FHOD3: variants seen among roughly 807,000 people sequenced by gnomAD.
The protein encoded by FHOD3 is formin homology 2 domain containing 3.
A neutral mutation model predicts 173.0 loss-of-function variants in FHOD3; 90 were observed. The ratio of observed to expected loss-of-function variants is 0.52; its 90% CI spans 0.44 to 0.62. The LOEUF is 0.62. Among genes scored for constraint, FHOD3 ranks in the 20% least tolerant of loss-of-function variants. FHOD3 has a pLI of 0.00. For missense variants in FHOD3, 1,945 were observed against 2,034.7 expected, an observed-to-expected ratio of 0.96 and a Z score of 0.85; for synonymous variants, 828 against 823.0, an observed-to-expected ratio of 1.01 and a Z score of -0.10.
At chr18:36,464,008 G>T (rs2052752977) in intron 3 of FHOD3, among the ~76,000 whole-genome samples, 1 of 152,056 alleles carries the variant, frequency 6.6e-6, no homozygotes, top group African/African-American at 2.4e-5. Flanking sequence ...TGCTAGAATT[G>T]TTCTCAATAA....
At chr18:36,707,491 C>G (rs963918453) in intron 17 of FHOD3, among the ~76,000 whole-genome samples, 3 of 152,226 alleles carry the variant, frequency 2.0e-5, no homozygotes, top group Admixed American at 6.5e-5. Flanking sequence ...GACATTTCAT[C>G]TGCTCCACTG....
In FHOD3 at chr18:36,709,363, G is replaced by A; in HGVS notation, c.2505G>A (p.Glu835=). The change falls in exon 18 of 29, where the codon GAG becomes GAA. Residue 835 remains glutamate, a synonymous_variant. Coordinates refer to ENST00000590592, the MANE Select transcript of FHOD3 (RefSeq NM_001281740.3). ...SSSTLEREEK[E]DKLSRDRTTG... is the part of the protein sequence containing the mutation. Reference sequence around the variant, plus strand: ...GCACGTTGGAGAGGGAGGAGAAGGAGGACAAGCTCTCCAGGGACAGGACAA... The same window carrying A: ...GCACGTTGGAGAGGGAGGAGAAGGAAGACAAGCTCTCCAGGGACAGGACAA... 6.2e-7 allele frequency: 1 copy of A among 1,614,090 alleles called. No individual in the cohort carries two copies.
At chr18:36,548,254 C>CT (rs1733183114) in intron 5 of FHOD3, among the ~76,000 whole-genome samples, 1 of 152,156 alleles carries the variant, frequency 6.6e-6, no homozygotes, top group Admixed American at 6.5e-5. Flanking sequence ...TAATCAACAA[C>CT]TTGCCAGGCA....
intron 5 of FHOD3, among the ~76,000 whole-genome samples, chr18:36,551,530 T>C (rs1396366030): frequency 1.3e-5 from 2 of 152,206 alleles, no homozygotes; most frequent in East Asian, 1.9e-4. Context: ...GTTTTGGCTT[T>C]TGTTGCCGTT....
At chr18:36,452,238 C>T (rs2051900137) in intron 3 of FHOD3, among the ~76,000 whole-genome samples, 1 of 152,100 alleles carries the variant, frequency 6.6e-6, no homozygotes, top group Admixed American at 6.5e-5. Context: ...ACTTGTACCA[C>T]TTTCCAGGAC....
At chr18:36,616,298 T>C (rs1427561638) in intron 9 of FHOD3, among the ~76,000 whole-genome samples, 2 of 152,194 alleles carry the variant, frequency 1.3e-5, no homozygotes, top group African/African-American at 4.8e-5. Context: ...CAGATTTGGA[T>C]TCCATAGGGT....
chr18:36,505,879 G>A (rs2055273810), intron 4 of FHOD3, among the ~76,000 whole-genome samples: 1 of 152,180 alleles, frequency 6.6e-6, no homozygotes, highest in African/African-American at 2.4e-5. Context: ...TAATGCTGCA[G>A]GCACACATAA....
intron 1 of FHOD3, among the ~76,000 whole-genome samples, chr18:36,338,560 G>C (rs1339136270): frequency 2.6e-5 from 4 of 152,180 alleles, no homozygotes; most frequent in African/African-American, 9.7e-5. Flanking sequence ...ATAGATAACA[G>C]GCTGGCCCAA....
chr18:36,624,117 G>A (rs890772671), intron 9 of FHOD3, among the ~76,000 whole-genome samples: 1 of 152,188 alleles, frequency 6.6e-6, no homozygotes, highest in African/African-American at 2.4e-5. Context: ...TGGTTGCGAA[G>A]TCAGAAGTTC....
At chr18:36,629,300 T>C (rs985520287) in intron 10 of FHOD3, among the ~76,000 whole-genome samples, 2 of 152,258 alleles carry the variant, frequency 1.3e-5, no homozygotes. Context: ...GGTACTGGCA[T>C]GAGCATGGCT....
chr18:36,441,912 G>A (rs1220883183), intron 3 of FHOD3, among the ~76,000 whole-genome samples: 1 of 152,132 alleles, frequency 6.6e-6, no homozygotes, highest in Admixed American at 6.5e-5. Context: ...AACAAAATTA[G>A]AAAAGTCAAG....
chr18:36,718,349 G>A lies in FHOD3; in HGVS notation c.3051G>A (p.Glu1017=). 1 of 1,612,504 alleles carries A rather than the reference G, an allele frequency of 6.2e-7. No individual in the cohort carries two copies. Among genetic ancestry groups the A allele is most frequent in the South Asian group, 1.1e-5 (1 of 90,780 alleles). The change falls in exon 19 of 29, where the codon GAG becomes GAA. Residue 1017 remains glutamate, a synonymous_variant. Transcript: ENST00000590592. ...DVLDVDLGHR[E]APGPPPPPPP... ...TAGATGTGGACCTGGGTCACAGGGA[G>A]GCCCCTGGGCCACCTCCCCCACCCC...
intron 1 of FHOD3, among the ~76,000 whole-genome samples, chr18:36,321,306 C>T (rs2044380965): frequency 6.6e-6 from 1 of 152,012 alleles, no homozygotes; most frequent in African/African-American, 2.4e-5. Context: ...GCCCAGTGCT[C>T]CCATGTGTGG....
chr18:36,399,279 C>T (rs572201637), intron 3 of FHOD3, among the ~76,000 whole-genome samples: 75 of 152,330 alleles, frequency 4.9e-4, no homozygotes, highest in African/African-American at 1.1e-3. Context: ...GGGCAAGCAT[C>T]TGGGGCAGGC....
At chr18:36,730,624 A>T (rs1453804123) in intron 19 of FHOD3, 22 bp from the exon 20 acceptor site, 1 of 1,606,612 alleles carries the variant, frequency 6.2e-7, no homozygotes, top group South Asian at 1.1e-5. Flanking sequence ...TTAATCTTGG[A>T]TTCTCCTTTT....
intron 1 of FHOD3, among the ~76,000 whole-genome samples, chr18:36,315,569 C>T (rs1430456748): frequency 6.6e-6 from 1 of 152,170 alleles, no homozygotes; most frequent in Non-Finnish European, 1.5e-5. Flanking sequence ...TCTGGAACAT[C>T]TTGAGATTTT....
In FHOD3 at chr18:36,444,192, C is replaced by CAA. The variant is rs71168225; in HGVS notation, c.338-57721_338-57720dup. Among the ~76,000 whole-genome samples, 735 of 87,154 alleles carry CAA rather than the reference C, an allele frequency of 8.4e-3. 18 individuals carry two copies. The highest frequency in any genetic ancestry group is 0.013 in the East Asian group (43 of 3,370). The allele number at this position is 87,154 out of a possible 152,430, so 57.2% of individuals were successfully genotyped here. On this transcript the variant is annotated intron_variant, in intron 3 of 28. Transcript: ENST00000590592. ...TGGGCGACAGAGTGAGACTCCGTCTCAAAAAAAAAAAAAAAAAAAAGAATT... is the reference window on the plus strand; with the variant it reads ...TGGGCGACAGAGTGAGACTCCGTCTCAAAAAAAAAAAAAAAAAAAAAAGAATT...
chr18:36,397,383 G>T (rs1273716016), intron 3 of FHOD3, among the ~76,000 whole-genome samples: 1 of 152,018 alleles, frequency 6.6e-6, no homozygotes, highest in Non-Finnish European at 1.5e-5. Context: ...TGTAGAAATT[G>T]TTTTTACCCA....
intron 1 of FHOD3, among the ~76,000 whole-genome samples, chr18:36,310,138 T>C (rs1432028268): frequency 6.6e-6 from 1 of 152,040 alleles, no homozygotes; most frequent in Non-Finnish European, 1.5e-5. Context: ...CAGAGAAAAA[T>C]GTAAGCTGAG....
Sources: gnomAD v4.1 joint callset for allele counts (sites outside exome capture counted in the v4.1 genomes callset) on GRCh38, gnomAD v4.1.1 for gene constraint, MANE v1.5 for transcripts, NCBI Gene and HGNC (gene_info 2026-07-23, HGNC 2026-07-21) for gene names.